TBC1D9: variants seen among roughly 807,000 people sequenced by gnomAD.
TBC1D9 encodes TBC1 domain family member 9A.
In TBC1D9, 63 loss-of-function variants were observed where a neutral mutation model predicts 132.0. That is an observed-to-expected ratio of 0.48 (90% CI 0.39 to 0.59). The LOEUF (loss-of-function observed/expected upper bound fraction) is 0.59, where lower values mean the gene tolerates loss of function less well. Ranked by LOEUF, TBC1D9 falls within the 20% of genes least tolerant of loss-of-function variation. The pLI, the probability that TBC1D9 is intolerant of heterozygous loss-of-function variation, is 0.00. For missense variants in TBC1D9, 1,261 were observed against 1,592.7 expected (o/e 0.79, Z 3.54); for synonymous variants, 610 against 609.9 (o/e 1.00, Z 0.00).
intron 1 of TBC1D9, among the ~76,000 whole-genome samples, chr4:140,717,776 A>C (rs564036816): frequency 6.6e-6 from 1 of 152,306 alleles, no homozygotes; most frequent in South Asian, 2.1e-4. Flanking sequence ...CAGGGTTCCC[A>C]CTGGGTAGAA....
At chr4:140,630,361 G>A (rs755120119) in intron 16 of TBC1D9, among the ~76,000 whole-genome samples, 31 of 152,262 alleles carry the variant, frequency 2.0e-4, no homozygotes, top group Admixed American at 4.6e-4. Context: ...GCAAAAAACC[G>A]TTTTGTTAAA....
intron 13 of TBC1D9, among the ~76,000 whole-genome samples, chr4:140,653,867 C>T (rs557389294): frequency 2.0e-5 from 3 of 152,322 alleles, no homozygotes; most frequent in Admixed American, 6.5e-5. Flanking sequence ...GGATGTCTGG[C>T]AGCCTGAGGG....
intron 8 of TBC1D9, among the ~76,000 whole-genome samples, 163 bp downstream of exon 8, chr4:140,669,471 T>A (rs185422940): frequency 6.6e-5 from 10 of 152,354 alleles, no homozygotes; most frequent in African/African-American, 2.4e-4. Flanking sequence ...TCTCCTTCCA[T>A]GAAGCCACTG....
In TBC1D9 at chr4:140,680,603, C is replaced by G. The variant is rs72718388; in HGVS notation, c.361-760G>C. On this transcript the variant is annotated intron_variant, in intron 3 of 20. Coordinates refer to ENST00000442267, the MANE Select transcript of TBC1D9 (RefSeq NM_015130.3). The stretch of plus-strand genomic sequence containing the variant: ...GACTTTGTAATCCTCAAATCCCTCC[C>G]GCCTCATCTTCATTTTCTCTGATCT... Among the ~76,000 whole-genome samples the G allele has an allele frequency of 9.2e-5, 14 of 152,252 alleles. No individual in the cohort carries two copies. In the East Asian group the frequency reaches 2.7e-3, roughly 29 times the overall value.
intron 13 of TBC1D9, chr4:140,643,043 C>A (rs1578820552): frequency 8.6e-7 from 1 of 1,156,592 alleles, no homozygotes; most frequent in Non-Finnish European, 1.2e-6. Context: ...TGGGGTACAT[C>A]CGCTCCTCCT....
chr4:140,754,817 T>G (rs1389745379), intron 1 of TBC1D9, among the ~76,000 whole-genome samples: 1 of 152,098 alleles, frequency 6.6e-6, no homozygotes, highest in African/African-American at 2.4e-5. Context: ...TCAAGATCCT[T>G]CAAACATACC....
intron 1 of TBC1D9, among the ~76,000 whole-genome samples, chr4:140,717,652 G>C (rs1005364190): frequency 6.6e-6 from 1 of 152,180 alleles, no homozygotes; most frequent in African/African-American, 2.4e-5. Context: ...TTTGCTGGTG[G>C]AAGGCCGGGG....
At chr4:140,664,847 G>A (rs765755909) in intron 9 of TBC1D9, among the ~76,000 whole-genome samples, 19 of 152,052 alleles carry the variant, frequency 1.2e-4, no homozygotes, top group Non-Finnish European at 1.8e-4. Context: ...AGTGGCTCAC[G>A]CCTGTAATCT....
At chr4:140,643,605 G>T in intron 13 of TBC1D9, 1 of 934,958 alleles carries the variant, frequency 1.1e-6, no homozygotes, top group Non-Finnish European at 1.6e-6. Context: ...GCCTTCCTCC[G>T]GCGCTGCCTC....
chr4:140,625,190 T>C (rs1367837841), intron 18 of TBC1D9, among the ~76,000 whole-genome samples: 1 of 152,224 alleles, frequency 6.6e-6, no homozygotes, highest in African/African-American at 2.4e-5. Context: ...AGACAGATTT[T>C]TTTTGCCAGA....
At chr4:140,662,194 A>T (rs1737372972) in intron 9 of TBC1D9, 87 bp from the exon 10 acceptor site, 2 of 1,057,620 alleles carry the variant, frequency 1.9e-6, no homozygotes, top group Non-Finnish European at 1.5e-6. Context: ...GAACTGCTTT[A>T]CTTTCCTACC....
chr4:140,652,225 A>G (rs1056917419), intron 13 of TBC1D9, among the ~76,000 whole-genome samples: 5 of 151,288 alleles, frequency 3.3e-5, no homozygotes, highest in African/African-American at 1.2e-4. Context: ...TGGGTGACAG[A>G]GGGAGACCCT....
At chr4:140,623,917 C>G (rs1736664410) in intron 20 of TBC1D9, among the ~76,000 whole-genome samples, 199 bp downstream of exon 20, 1 of 152,134 alleles carries the variant, frequency 6.6e-6, no homozygotes, top group Admixed American at 6.5e-5. Context: ...CACATTTCCT[C>G]TGAGGAAGTC....
chr4:140,671,272 G>A (rs549371555), intron 6 of TBC1D9, among the ~76,000 whole-genome samples: 16 of 152,194 alleles, frequency 1.1e-4, no homozygotes, highest in African/African-American at 3.6e-4. Context: ...GCAGAGTCCC[G>A]GGATGCTGCT....
chr4:140,708,082 A>G (rs1343171198), intron 1 of TBC1D9, among the ~76,000 whole-genome samples: 7 of 152,190 alleles, frequency 4.6e-5, no homozygotes, highest in Admixed American at 1.3e-4. Flanking sequence ...TGTTCAGCAC[A>G]TTATGCTGAA....
intron 1 of TBC1D9, among the ~76,000 whole-genome samples, chr4:140,748,830 G>A (rs939506222): frequency 2.0e-5 from 3 of 152,220 alleles, no homozygotes; most frequent in South Asian, 2.1e-4. Flanking sequence ...AGTGGAAAAC[G>A]GATTCCAGAA....
intron 13 of TBC1D9, chr4:140,642,974 G>A (rs1444639649): frequency 6.0e-6 from 4 of 668,560 alleles, no homozygotes; most frequent in African/African-American, 1.8e-5. Flanking sequence ...GCTGGACCTC[G>A]GCCCGCCACA....
At chr4:140,722,807 C>G (rs1251580895) in intron 1 of TBC1D9, among the ~76,000 whole-genome samples, 2 of 152,176 alleles carry the variant, frequency 1.3e-5, no homozygotes, top group Non-Finnish European at 2.9e-5. Flanking sequence ...CTCTCACCCC[C>G]TCCTGGACAT....
At chr4:140,707,223 T>C (rs1261803349) in intron 1 of TBC1D9, among the ~76,000 whole-genome samples, 3 of 152,218 alleles carry the variant, frequency 2.0e-5, no homozygotes, top group Admixed American at 2.0e-4. Flanking sequence ...AATTTTCTTG[T>C]TTATTGGCCA....
Sources: gnomAD v4.1 joint callset for allele counts (sites outside exome capture counted in the v4.1 genomes callset) on GRCh38, gnomAD v4.1.1 for gene constraint, MANE v1.5 for transcripts, NCBI Gene and HGNC (gene_info 2026-07-23, HGNC 2026-07-21) for gene names.